The following TMX1 variants were observed in gnomAD, a reference collection of about 807,000 sequenced individuals.
TMX1 encodes the protein thioredoxin-related transmembrane protein 1.
In TMX1, 25 loss-of-function variants were observed where a neutral mutation model predicts 36.6. The observed-to-expected ratio is 0.68, with a 90% confidence interval of 0.50 to 0.95. TMX1 has a LOEUF of 0.95. Ranked by LOEUF, TMX1 falls within the 40% of genes least tolerant of loss-of-function variation. The pLI, the probability that TMX1 is intolerant of heterozygous loss-of-function variation, is 0.00. For missense variants in TMX1, 347 were observed against 339.6 expected, an observed-to-expected ratio of 1.02 and a Z score of -0.17; for synonymous variants, 133 against 118.0, an observed-to-expected ratio of 1.13 and a Z score of -0.82.
At chr14:51,243,760 A>T in intron 1 of TMX1, 96 bp from the exon 2 acceptor site, 1 of 868,342 alleles carries the variant, frequency 1.2e-6, no homozygotes. Flanking sequence ...CATATGAAAT[A>T]TTCTTCATAA....
rs997882211 is a variant in TMX1, at chr14:51,255,630, AT to A, written c.*1116del. 4.6e-5 allele frequency: 7 copies of A among 152,158 alleles called. No homozygotes were observed. In the East Asian group the frequency reaches 1.3e-3, roughly 29 times the overall value. The allele number at this position is 152,158 out of a possible 1,614,324, so 9.4% of individuals were successfully genotyped here. On this transcript the variant is annotated 3_prime_UTR_variant, in exon 8 of 8. Transcript: ENST00000457354. ...ATGCTTGATGTTTTAAAATAATAAC[AT>A]TTTTATATTTTTTAAAAGACAAACT...
chr14:51,250,666 TG>T (rs1260807098), intron 7 of TMX1, among the ~76,000 whole-genome samples: 1 of 152,122 alleles, frequency 6.6e-6, no homozygotes, highest in African/African-American at 2.4e-5. Flanking sequence ...TAATTTTTTG[TG>T]TTTTTAGTAG....
chr14:51,244,600 G>A (rs1399917109), intron 2 of TMX1, among the ~76,000 whole-genome samples: 1 of 152,046 alleles, frequency 6.6e-6, no homozygotes, highest in African/African-American at 2.4e-5. Context: ...TCCTTCCACA[G>A]ACCAATCTCA....
chr14:51,240,252 G>T lies in TMX1; in HGVS notation c.-41G>T. ...GAGCAGCCCGCGAGGGCGGAAGTGG[G>T]AGCTGCGACCGCGCTCCCTGTGAGG... On this transcript the variant is annotated 5_prime_UTR_variant, in exon 1 of 8. Transcript: ENST00000457354. 6.3e-7 allele frequency: 1 copy of T among 1,599,426 alleles called. No homozygotes were observed. Among genetic ancestry groups the T allele is most frequent in the Non-Finnish European group, 8.5e-7 (1 of 1,177,134 alleles).
intron 1 of TMX1, among the ~76,000 whole-genome samples, chr14:51,241,498 A>G (rs2065761185): frequency 6.6e-6 from 1 of 152,196 alleles, no homozygotes. Context: ...TAACCTATGC[A>G]GATATTGCTG....
Position 51,256,747 on chromosome 14 carries a change from T to C in TMX1, c.*2228T>C, listed in dbSNP as rs2139861403. On this transcript the variant is annotated 3_prime_UTR_variant, in exon 8 of 8. Transcript: ENST00000457354. The stretch of plus-strand genomic sequence containing the variant: ...TTACCAAGTACCTACTGGAGCTTTG[T>C]TGTTTTCTTGTATTTATTAATTTAG... 1 of 152,312 alleles carries C rather than the reference T, an allele frequency of 6.6e-6. No homozygotes were observed. The highest frequency in any genetic ancestry group is 3.4e-3 in the Middle Eastern group (1 of 294). The allele number at this position is 152,312 out of a possible 1,614,324, so 9.4% of individuals were successfully genotyped here. A position where few individuals can be genotyped will look rare whatever the true frequency, so the allele number is the denominator to read the frequency against.
intron 1 of TMX1, among the ~76,000 whole-genome samples, chr14:51,242,229 A>G (rs1407326580): frequency 6.6e-6 from 1 of 152,206 alleles, no homozygotes; most frequent in Non-Finnish European, 1.5e-5. Context: ...TTCAGGCACC[A>G]TTGAAAGCTT....
intron 1 of TMX1, among the ~76,000 whole-genome samples, chr14:51,243,165 G>C (rs183648053): frequency 6.6e-6 from 1 of 150,414 alleles, no homozygotes; most frequent in Admixed American, 6.6e-5. Context: ...GGAAAAATAA[G>C]ATCCTCAGGA....
chr14:51,243,320 C>T (rs1218494600), intron 1 of TMX1, among the ~76,000 whole-genome samples: 8 of 152,172 alleles, frequency 5.3e-5, no homozygotes, highest in Admixed American at 3.9e-4. Context: ...GTAACATTCT[C>T]ATATAAAAAT....
At chr14:51,250,269 G>C (rs2065805505) in intron 7 of TMX1, among the ~76,000 whole-genome samples, 1 of 152,144 alleles carries the variant, frequency 6.6e-6, no homozygotes, top group Non-Finnish European at 1.5e-5. Flanking sequence ...TAATTGTACT[G>C]TTAATGGAAG....
chr14:51,245,839 T>C (rs1243499806), intron 3 of TMX1: 3 of 264,696 alleles, frequency 1.1e-5, no homozygotes, highest in Non-Finnish European at 2.2e-5. Context: ...GCTAAGAAAG[T>C]GCTGTTGTAC....
intron 1 of TMX1, 113 bp downstream of exon 1, chr14:51,240,557 C>G: frequency 7.1e-7 from 1 of 1,405,308 alleles, no homozygotes. Flanking sequence ...AGTTGCGGAG[C>G]GAGCGTCCCC....
rs2065842553 is a variant in TMX1 at position 51,257,178 on chromosome 14, A to G, written c.*2659A>G. The G allele has an allele frequency of 6.6e-6, 1 of 152,172 alleles. No individual in the cohort carries two copies. The highest frequency in any genetic ancestry group is 1.5e-5 in the Non-Finnish European group (1 of 68,030). The allele number at this position is 152,172 out of a possible 1,614,324, so 9.4% of individuals were successfully genotyped here. On this transcript the variant is annotated 3_prime_UTR_variant, in exon 8 of 8. Coordinates refer to ENST00000457354, the MANE Select transcript of TMX1 (RefSeq NM_030755.5). ...ATGTAGGAGTGAATAAATGCTATTCATAAATAACCATAATTATTCAGTATT... is the reference window on the plus strand; with the variant it reads ...ATGTAGGAGTGAATAAATGCTATTCGTAAATAACCATAATTATTCAGTATT...
In TMX1 at chr14:51,240,258, C is replaced by G. The variant is rs779772096; in HGVS notation, c.-35C>G. On this transcript the variant is annotated 5_prime_UTR_variant, in exon 1 of 8. Coordinates refer to ENST00000457354, the MANE Select transcript of TMX1 (RefSeq NM_030755.5). ...CCCGCGAGGGCGGAAGTGGGAGCTG[C>G]GACCGCGCTCCCTGTGAGGTGGGCA... 1 of 1,600,292 alleles carries G rather than the reference C, an allele frequency of 6.2e-7. No homozygotes were observed. The highest frequency in any genetic ancestry group is 1.1e-5 in the South Asian group (1 of 90,782).
chr14:51,243,093 TAAAAA>T (rs34241507), intron 1 of TMX1, among the ~76,000 whole-genome samples: 2 of 138,188 alleles, frequency 1.4e-5, no homozygotes, highest in Admixed American at 1.4e-4. Flanking sequence ...CTGGTTCTGT[TAAAAA>T]AAAAAAAAAA....
chr14:51,243,749 T>G (rs2065772749), intron 1 of TMX1, 107 bp from the exon 2 acceptor site: 2 of 790,508 alleles, frequency 2.5e-6, no homozygotes, highest in African/African-American at 3.5e-5. Context: ...TTCAGTGTTT[T>G]CATATGAAAT....
chr14:51,249,385 T>C lies in TMX1; in HGVS notation c.489+14T>C, dbSNP rs2139855900. 2 of 1,602,712 alleles carry C rather than the reference T, an allele frequency of 1.2e-6. No homozygotes were observed. The highest frequency in any genetic ancestry group is 2.2e-5 in the East Asian group (1 of 44,774). On this transcript the variant is annotated intron_variant, in intron 5 of 7. Transcript: ENST00000457354. ...ATGTGGATCAGGGTATGGACTAAAA[T>C]ATTTTTATCTTAAACATTTTTACCA...
At chr14:51,244,061 C>G (rs915047899) in intron 2 of TMX1, 90 bp downstream of exon 2, 16 of 1,077,476 alleles carry the variant, frequency 1.5e-5, no homozygotes, top group Middle Eastern at 2.1e-4. Flanking sequence ...TTAATTCTAC[C>G]TTTCTTTAGG....
Position 51,255,202 on chromosome 14 carries a change from A to C in TMX1, c.*683A>C, listed in dbSNP as rs1481521373. On this transcript the variant is annotated 3_prime_UTR_variant, in exon 8 of 8. Coordinates refer to ENST00000457354, the MANE Select transcript of TMX1 (RefSeq NM_030755.5). ...ATTTTTCTTACTTACTATGGGTTACATTTTTTATTTTTCAAATTGGATGAT... is the reference window on the plus strand; with the variant it reads ...ATTTTTCTTACTTACTATGGGTTACCTTTTTTATTTTTCAAATTGGATGAT... 6.6e-6 allele frequency: 1 copy of C among 151,882 alleles called. No individual in the cohort carries two copies. Among genetic ancestry groups the C allele is most frequent in the Non-Finnish European group, 1.5e-5 (1 of 67,850 alleles). 9.4% of individuals were successfully genotyped at this position (151,882 alleles called of 1,614,324 possible).
Sources: allele counts gnomAD v4.1 joint callset (sites outside exome capture counted in the v4.1 genomes callset), GRCh38; gene constraint gnomAD v4.1.1; transcripts MANE v1.5; gene names NCBI Gene and HGNC (gene_info 2026-07-23, HGNC 2026-07-21).